MTMR9: variants seen among roughly 807,000 people sequenced by gnomAD.
The protein encoded by MTMR9 is myotubularin related protein 9, also known as myotubularin-related protein 9.
MTMR9 carries 39 observed loss-of-function variants against 69.5 expected under a neutral mutation model. That is an observed-to-expected ratio of 0.56 (90% CI 0.43 to 0.73). The LOEUF is 0.73. Among genes scored for constraint, MTMR9 ranks in the 30% least tolerant of loss-of-function variants. MTMR9 has a pLI of 0.00. For synonymous variants in MTMR9, 354 were observed against 240.8 expected (o/e 1.47, Z -4.35); for missense variants, 900 against 671.2 (o/e 1.34, Z -3.77).
intron 6 of MTMR9, among the ~76,000 whole-genome samples, chr8:11,313,246 A>C (rs1274794351): frequency 7.2e-5 from 11 of 152,156 alleles, no homozygotes; most frequent in Admixed American, 7.2e-4. Context: ...CTCAGCCTTC[A>C]TAGAACTTTG....
downstream of MTMR9, chr8:11,330,975 A>T: frequency 6.9e-7 from 1 of 1,441,528 alleles, no homozygotes; most frequent in Non-Finnish European, 9.2e-7. Flanking sequence ...TCAGCGGGAA[A>T]ATAGGCGTGC....
At chr8:11,329,129 T>A (rs188099995), downstream of MTMR9, among the ~76,000 whole-genome samples, 1 of 152,276 alleles carries the variant, frequency 6.6e-6, no homozygotes, top group East Asian at 1.9e-4. Context: ...GTTCCATTGG[T>A]GTATATGTCT....
Position 11,307,113 on chromosome 8 carries a change from C to A in MTMR9, c.809+706C>A, listed in dbSNP as rs574769243. ...TTGGGATGGAGTCTTGCTCTGTCAGCCAGGCTGGAGTGCAGTGGCACGATC... is the reference window on the plus strand; with the variant it reads ...TTGGGATGGAGTCTTGCTCTGTCAGACAGGCTGGAGTGCAGTGGCACGATC... On this transcript the variant is annotated intron_variant, in intron 5 of 9. Coordinates refer to ENST00000221086, the MANE Select transcript of MTMR9 (RefSeq NM_015458.4). Among the ~76,000 whole-genome samples, 27 of 152,298 alleles carry A rather than the reference C, an allele frequency of 1.8e-4. No homozygotes were observed. The South Asian group carries it at 5.6e-3, about 32-fold the overall frequency.
At chr8:11,306,515 T>A in intron 5 of MTMR9, 108 bp downstream of exon 5, 1 of 951,246 alleles carries the variant, frequency 1.1e-6, no homozygotes, top group Non-Finnish European at 1.6e-6. Flanking sequence ...CTGCATTAAT[T>A]TAGGGTCAAT....
chr8:11,308,913 C>G lies in MTMR9; in HGVS notation c.810-614C>G, dbSNP rs77047403. ...TGTGGTCTCATCACCACAAGGCCAGCTCCTCTGCAGGTAGATCAGCAGTTG... is the reference window on the plus strand; with the variant it reads ...TGTGGTCTCATCACCACAAGGCCAGGTCCTCTGCAGGTAGATCAGCAGTTG... On this transcript the variant is annotated intron_variant, in intron 5 of 9. Coordinates refer to ENST00000221086, the MANE Select transcript of MTMR9 (RefSeq NM_015458.4). Among the ~76,000 whole-genome samples the G allele has an allele frequency of 2.9e-3, 449 of 152,324 alleles. 2 individuals carry two copies. The highest frequency in any genetic ancestry group is 0.01 in the African/African-American group (429 of 41,576).
rs865949990 is a variant in MTMR9 at position 11,309,537 on chromosome 8, C to T, written c.820C>T (p.Leu274Phe). Reference sequence around the variant, plus strand: ...TCTTACTTTTAAAAGGTATCACATTCTTCAGGAGAGCTTAATCAAACTTGT... The same window carrying T: ...TCTTACTTTTAAAAGGTATCACATTTTTCAGGAGAGCTTAATCAAACTTGT... Reference protein sequence around the residue: ...IHKSIERYHILQESLIKLVEA... With the variant: ...IHKSIERYHIFQESLIKLVEA... The change falls in exon 6 of 10, where the codon CTT becomes TTT. Residue 274 changes from leucine to phenylalanine, a missense_variant. Leu to Phe is a conservative substitution (Grantham distance 22). Coordinates refer to ENST00000221086, the MANE Select transcript of MTMR9 (RefSeq NM_015458.4). 1 of 1,612,598 alleles carries T rather than the reference C, an allele frequency of 6.2e-7. No individual in the cohort carries two copies. The highest frequency in any genetic ancestry group is 1.7e-5 in the Admixed American group (1 of 59,686).
At chr8:11,332,505 A>G (rs1301094165), downstream of MTMR9, among the ~76,000 whole-genome samples, 1 of 152,166 alleles carries the variant, frequency 6.6e-6, no homozygotes, top group Admixed American at 6.5e-5. Context: ...TAAAAATTAT[A>G]GAAAGGAACC....
chr8:11,311,450 A>G, intron 6 of MTMR9, among the ~76,000 whole-genome samples: 1 of 152,260 alleles, frequency 6.6e-6, no homozygotes, highest in African/African-American at 2.4e-5. Context: ...AAGTCATGCA[A>G]TAAAGTGAGT....
At chr8:11,299,546 G>T (rs914905488) in intron 2 of MTMR9, among the ~76,000 whole-genome samples, 2 of 152,142 alleles carry the variant, frequency 1.3e-5, no homozygotes, top group African/African-American at 4.8e-5. Context: ...ATTCCCATCT[G>T]ACTGTAGACC....
chr8:11,284,850 C>A lies in MTMR9; in HGVS notation c.-39C>A. 6.4e-7 allele frequency: 1 copy of A among 1,556,102 alleles called. No individual in the cohort carries two copies. The highest frequency in any genetic ancestry group is 8.7e-7 in the Non-Finnish European group (1 of 1,150,616). ...CTGCGGCGGGGTAACCGCCTCGCAC[C>A]TACCGGGCTCGGTTCCCTGGCTCCG... On this transcript the variant is annotated 5_prime_UTR_variant, in exon 1 of 10. Coordinates refer to ENST00000221086, the MANE Select transcript of MTMR9 (RefSeq NM_015458.4).
intron 6 of MTMR9, among the ~76,000 whole-genome samples, chr8:11,310,295 G>C (rs985257283): frequency 1.8e-4 from 28 of 152,154 alleles, no homozygotes; most frequent in African/African-American, 5.8e-4. Flanking sequence ...CTTGAACAGA[G>C]GCAGAAGGAT....
intron 4 of MTMR9, 85 bp from the exon 5 acceptor site, chr8:11,306,105 T>G (rs1799928068): frequency 8.8e-7 from 1 of 1,131,910 alleles, no homozygotes; most frequent in Non-Finnish European, 1.3e-6. Flanking sequence ...GTTTTTGAGA[T>G]ACTCTTAATC....
rs771744686 is a variant in MTMR9 at position 11,309,671 on chromosome 8, G to A, written c.954G>A (p.Ala318=). ...AGATTCTGACAACTGCCTGCCTAGC[G>A]GCTCAGTGCATCGACAGGTAAAGTG... The part of the protein sequence containing the change: ...IKEILTTACL[A]AQCIDREGAS... The change falls in exon 6 of 10, where the codon GCG becomes GCA. Residue 318 remains alanine, a synonymous_variant. Coordinates refer to ENST00000221086, the MANE Select transcript of MTMR9 (RefSeq NM_015458.4). 1.9e-6 allele frequency: 3 copies of A among 1,613,764 alleles called. No homozygotes were observed. Among genetic ancestry groups the A allele is most frequent in the Middle Eastern group, 1.7e-4 (1 of 6,056 alleles).
chr8:11,302,596 A>G (rs1340106146), intron 3 of MTMR9, among the ~76,000 whole-genome samples: 1 of 152,190 alleles, frequency 6.6e-6, no homozygotes. Flanking sequence ...TTAATCTGAT[A>G]AAGGATGGGT....
intron 4 of MTMR9, 64 bp from the exon 5 acceptor site, chr8:11,306,126 C>G (rs1799929381): frequency 7.1e-7 from 1 of 1,404,248 alleles, no homozygotes; most frequent in East Asian, 2.4e-5. Flanking sequence ...TAGCTAATTT[C>G]TTTCTGTTTT....
At chr8:11,328,565 G>C (rs564768772), downstream of MTMR9, among the ~76,000 whole-genome samples, 7 of 152,226 alleles carry the variant, frequency 4.6e-5, no homozygotes, top group South Asian at 4.1e-4. Context: ...TAGAATGCCA[G>C]CTATTAAATG....
chr8:11,298,191 C>G (rs1799623385), intron 2 of MTMR9, among the ~76,000 whole-genome samples: 1 of 152,038 alleles, frequency 6.6e-6, no homozygotes, highest in African/African-American at 2.4e-5. Context: ...AGGAAAAGAC[C>G]TCTTTCTAGT....
chr8:11,295,191 C>T lies in MTMR9; in HGVS notation c.183-3C>T, dbSNP rs372484244. 6 of 1,543,342 alleles carry T rather than the reference C, an allele frequency of 3.9e-6. No individual in the cohort carries two copies. In the East Asian group the frequency reaches 9.1e-5, roughly 23 times the overall value. On this transcript the variant is annotated splice_polypyrimidine_tract_variant and splice_region_variant and intron_variant, in intron 1 of 9. Coordinates refer to ENST00000221086, the MANE Select transcript of MTMR9 (RefSeq NM_015458.4). ...CCTAAACATGATTTGCAATTTCTTA[C>T]AGATTTGTAGGATCACTGGGTACCA...
intron 8 of MTMR9, chr8:11,317,101 T>C: frequency 2.6e-6 from 1 of 382,254 alleles, no homozygotes; most frequent in East Asian, 4.0e-5. Flanking sequence ...TAGGTTAAAA[T>C]TAGTCCATAC....
Sources: allele counts gnomAD v4.1 joint callset (sites outside exome capture counted in the v4.1 genomes callset), GRCh38; gene constraint gnomAD v4.1.1; transcripts MANE v1.5; gene names NCBI Gene and HGNC (gene_info 2026-07-23, HGNC 2026-07-21).